TRPM6: variants seen among roughly 807,000 people sequenced by gnomAD.
The protein encoded by TRPM6 is channel kinase 2.
In TRPM6, 111 loss-of-function variants were observed where a neutral mutation model predicts 247.6. That is an observed-to-expected ratio of 0.45 (90% CI 0.38 to 0.52). TRPM6 has a LOEUF of 0.52. Ranked by LOEUF, TRPM6 falls within the 20% of genes least tolerant of loss-of-function variation. TRPM6 has a pLI of 0.00. For missense variants in TRPM6, 2,126 were observed against 2,421.5 expected (o/e 0.88, Z 2.56); for synonymous variants, 892 against 853.8 (o/e 1.04, Z -0.78).
At chr9:74,879,327 T>A (rs1405683344) in intron 1 of TRPM6, among the ~76,000 whole-genome samples, 1 of 150,064 alleles carries the variant, frequency 6.7e-6, no homozygotes, top group Non-Finnish European at 1.5e-5. Context: ...TATATATGAT[T>A]TATATACATA....
intron 19 of TRPM6, among the ~76,000 whole-genome samples, chr9:74,792,288 C>T (rs1231628143): frequency 2.0e-5 from 3 of 152,106 alleles, no homozygotes; most frequent in Admixed American, 2.0e-4. Context: ...TGTTTCTTTC[C>T]GTGGAAACTT....
At position 74,738,637 on chromosome 9, in the gene TRPM6, A is replaced by G. The variant is rs1238086993; in HGVS notation, c.5571-25T>C. ...CCTGTTAGGGAAAAAGAGGCCATTG[A>G]TCCCCCACAATACAGCAAAAGTGGG... is the stretch of plus-strand genomic sequence containing the variant. On this transcript the variant is annotated intron_variant, in intron 35 of 38. Transcript: ENST00000360774. 3 of 1,603,984 alleles carry G rather than the reference A, an allele frequency of 1.9e-6. No individual in the cohort carries two copies. In the African/African-American group the frequency reaches 4.0e-5, roughly 21 times the overall value.
chr9:74,800,898 A>G (rs1828303919), intron 16 of TRPM6, among the ~76,000 whole-genome samples: 1 of 137,988 alleles, frequency 7.2e-6, no homozygotes, highest in Non-Finnish European at 1.5e-5. Context: ...AGACCTAATA[A>G]AGTGTGTTTT....
chr9:74,803,972 A>G, intron 14 of TRPM6, 86 bp from the exon 15 acceptor site: 4 of 847,440 alleles, frequency 4.7e-6, no homozygotes, highest in Non-Finnish European at 8.2e-6. Context: ...GGGAGATTAT[A>G]GTGGTAACAA....
chr9:74,787,073 G>A (rs887699173), intron 20 of TRPM6, among the ~76,000 whole-genome samples: 19 of 151,842 alleles, frequency 1.3e-4, no homozygotes, highest in Admixed American at 8.5e-4. Context: ...AGTGGCTCAC[G>A]CCTGTAATCC....
chr9:74,802,178 G>A lies in TRPM6; in HGVS notation c.1732-3C>T. On this transcript the variant is annotated splice_region_variant and splice_polypyrimidine_tract_variant and intron_variant, in intron 15 of 38. Coordinates refer to ENST00000360774, the MANE Select transcript of TRPM6 (RefSeq NM_017662.5). ...TTATGAAGGACTATAGACTTTTCCT[G>A]TTGGAAAATAAAATAGGAATGAGTT... 2 of 1,612,936 alleles carry A rather than the reference G, an allele frequency of 1.2e-6. No homozygotes were observed. The highest frequency in any genetic ancestry group is 1.7e-6 in the Non-Finnish European group (2 of 1,179,100).
Position 74,887,531 on chromosome 9 carries a change from ACC to A in TRPM6, c.33+291_33+292del, listed in dbSNP as rs753311612. On this transcript the variant is annotated intron_variant, in intron 1 of 38. Transcript: ENST00000360774. ...CCCACCGCCCCGAGCTGAACCCCCG[ACC>A]CCCGCTAGGTTTCCGCTCTGACACC... The A allele has an allele frequency of 4.8e-6, 6 of 1,242,454 alleles. No homozygotes were observed. The East Asian group carries it at 1.5e-4, about 32-fold the overall frequency. The allele number at this position is 1,242,454 out of a possible 1,614,324, so 77.0% of individuals were successfully genotyped here. A position where few individuals can be genotyped will look rare whatever the true frequency, so the allele number is the denominator to read the frequency against.
chr9:74,747,909 T>G lies in TRPM6; in HGVS notation c.5063A>C (p.Lys1688Thr). ...STNLNRNSLL[K>T]SSIGVDKISA... Reference sequence around the variant, plus strand: ...CTTACTGTCAACTCCAATTGAACTTTTCAGCCTGTTTGAAAAAAAAATGAA... The same window carrying G: ...CTTACTGTCAACTCCAATTGAACTTGTCAGCCTGTTTGAAAAAAAAATGAA... The change falls in exon 31 of 39, where the codon AAA becomes ACA. Residue 1688 changes from lysine (K) to threonine (T), a missense_variant. Physicochemically the swap from Lys to Thr is moderately conservative, Grantham distance 78. Around this residue, in one of 3 missense-constraint regions of TRPM6, gnomAD observed 717 missense variants for 715.9 expected, o/e 1.00. Transcript: ENST00000360774. 1 of 1,611,858 alleles carries G rather than the reference T, an allele frequency of 6.2e-7. No homozygotes were observed.
At chr9:74,887,347 C>G in intron 1 of TRPM6, 2 of 1,391,838 alleles carry the variant, frequency 1.4e-6, no homozygotes, top group Middle Eastern at 2.3e-4. Context: ...CCTCGGAAAG[C>G]CGCGACCCCC....
In TRPM6 at chr9:74,816,717, C is replaced by A; in HGVS notation, c.1260G>T (p.Arg420Ser). ...GGATATGTTTCTTGGCAATGTCCACCCTGTCCCAAGCCATTGCCAGATTTA... is the reference window on the plus strand; with the variant it reads ...GGATATGTTTCTTGGCAATGTCCACACTGTCCCAAGCCATTGCCAGATTTA... ...EQLNLAMAWD[R>S]VDIAKKHILI... Residue 420 changes from arginine to serine, a missense_variant, in exon 11 of 39, where the codon AGG becomes AGT. Physicochemically the swap from Arg to Ser is moderately radical, Grantham distance 110. This residue lies in a region of TRPM6 where 1,082 missense variants were observed against 1,307.9 expected (regional missense o/e 0.83). Transcript: ENST00000360774. The A allele has an allele frequency of 6.2e-7, 1 of 1,614,142 alleles. No homozygotes were observed. The highest frequency in any genetic ancestry group is 8.5e-7 in the Non-Finnish European group (1 of 1,180,028).
chr9:74,821,266 G>T (rs1564030120), intron 8 of TRPM6, among the ~76,000 whole-genome samples: 1 of 152,166 alleles, frequency 6.6e-6, no homozygotes, highest in Non-Finnish European at 1.5e-5. Flanking sequence ...ATGTCAGGAT[G>T]TAGACCTTCC....
chr9:74,755,044 C>T (rs1264254819), intron 28 of TRPM6, among the ~76,000 whole-genome samples: 1 of 152,198 alleles, frequency 6.6e-6, no homozygotes, highest in African/African-American at 2.4e-5. Flanking sequence ...AGACAATCCC[C>T]TATCCATAAA....
chr9:74,837,925 A>G (rs1006583465), intron 5 of TRPM6, among the ~76,000 whole-genome samples: 2 of 151,740 alleles, frequency 1.3e-5, no homozygotes, highest in African/African-American at 4.8e-5. Context: ...AATTTCTGCA[A>G]TTTTTTAGAG....
At chr9:74,852,701 C>T (rs1289800402) in intron 3 of TRPM6, among the ~76,000 whole-genome samples, 3 of 152,228 alleles carry the variant, frequency 2.0e-5, no homozygotes, top group Non-Finnish European at 4.4e-5. Flanking sequence ...CAGTGTTGGC[C>T]GGACTTGTCT....
rs1826400441 is a variant in TRPM6 at position 74,755,399 on chromosome 9, C to T, written c.4860G>A (p.Glu1620=). The change falls in exon 28 of 39, where the codon GAG becomes GAA. Residue 1620 remains glutamate, a synonymous_variant. Transcript: ENST00000360774. ...CTGTGAACCAGTTCTTGCTGTACTC[C>T]TCTTCAGAGATGCTGTTTTCTCCTG... ...PEPGENSISE[E]EYSKNWFTVS... 1.9e-6 allele frequency: 3 copies of T among 1,614,156 alleles called. No individual in the cohort carries two copies. The South Asian group carries it at 3.3e-5, about 18-fold the overall frequency.
In TRPM6 at chr9:74,852,317, G is replaced by A. The variant is rs375987544; in HGVS notation, c.152+3210C>T. Among the ~76,000 whole-genome samples the A allele has an allele frequency of 4.1e-4, 62 of 151,496 alleles. 3 individuals are homozygous for A. In the South Asian group the frequency reaches 0.013, roughly 32 times the overall value. On this transcript the variant is annotated intron_variant, in intron 3 of 38. Coordinates refer to ENST00000360774, the MANE Select transcript of TRPM6 (RefSeq NM_017662.5). The stretch of plus-strand genomic sequence containing the variant: ...AGCTATCCCCCAGCCTCAATCTCCT[G>A]AGTAGCTAGGACTACAAGCATGTGC...
intron 9 of TRPM6, among the ~76,000 whole-genome samples, chr9:74,819,105 C>A (rs1325848756): frequency 6.6e-6 from 1 of 151,998 alleles, no homozygotes; most frequent in Non-Finnish European, 1.5e-5. Context: ...GCCAGGAGTT[C>A]GAGACCAGCT....
intron 23 of TRPM6, 76 bp from the exon 24 acceptor site, chr9:74,776,152 A>G: frequency 7.7e-7 from 1 of 1,303,194 alleles, no homozygotes; most frequent in Non-Finnish European, 1.1e-6. Context: ...ATTTTCCAAC[A>G]TTTATGATTG....
At chr9:74,744,818 G>A (rs1825979051) in intron 31 of TRPM6, among the ~76,000 whole-genome samples, 1 of 152,170 alleles carries the variant, frequency 6.6e-6, no homozygotes, top group Non-Finnish European at 1.5e-5. Context: ...GTCTCATGAT[G>A]GCAACTGTTT....
Sources: gnomAD v4.1 joint callset for allele counts (sites outside exome capture counted in the v4.1 genomes callset) on GRCh38, gnomAD v4.1.1 for gene constraint, gnomAD v4.1.1 regional missense constraint, MANE v1.5 for transcripts, NCBI Gene and HGNC (gene_info 2026-07-23, HGNC 2026-07-21) for gene names.